KLHL32: variants seen among roughly 807,000 people sequenced by gnomAD.
KLHL32 encodes the protein kelch like family member 32, also known as kelch-like protein 32.
Under a neutral mutation model 64.8 loss-of-function variants are expected in KLHL32, and 35 were observed. That is an observed-to-expected ratio of 0.54 (90% CI 0.41 to 0.72). The LOEUF is 0.72. KLHL32 is among the 30% of genes least tolerant of loss of function. KLHL32 has a pLI of 0.00. For missense variants in KLHL32, 589 were observed against 768.5 expected, an observed-to-expected ratio of 0.77 and a Z score of 2.76; for synonymous variants, 259 against 281.0, an observed-to-expected ratio of 0.92 and a Z score of 0.78.
intron 7 of KLHL32, among the ~76,000 whole-genome samples, chr6:97,117,368 G>A (rs1431755585): frequency 6.6e-6 from 1 of 152,118 alleles, no homozygotes; most frequent in Non-Finnish European, 1.5e-5. Context: ...GATTATAGAA[G>A]GTGGATTTTA....
At chr6:97,131,574 T>A (rs1189076950) in intron 9 of KLHL32, among the ~76,000 whole-genome samples, 1 of 152,180 alleles carries the variant, frequency 6.6e-6, no homozygotes, top group Non-Finnish European at 1.5e-5. Flanking sequence ...TGTTTCTTTA[T>A]GGAGTGAATA....
intron 5 of KLHL32, among the ~76,000 whole-genome samples, chr6:97,075,455 C>T (rs1348394828): frequency 6.6e-6 from 1 of 152,102 alleles, no homozygotes; most frequent in Non-Finnish European, 1.5e-5. Context: ...ATGAATTGCT[C>T]ATTTTTTCTT....
At chr6:96,955,724 G>C (rs962364081) in intron 1 of KLHL32, among the ~76,000 whole-genome samples, 1 of 152,098 alleles carries the variant, frequency 6.6e-6, no homozygotes, top group African/African-American at 2.4e-5. Flanking sequence ...ATCATCTGAG[G>C]TCAGGAGTTC....
At chr6:97,025,001 GTCAA>G (rs1412282585) in intron 3 of KLHL32, 2 of 984,970 alleles carry the variant, frequency 2.0e-6, no homozygotes, top group African/African-American at 3.5e-5. Flanking sequence ...CAGGTATACG[GTCAA>G]CCTCAGCTTC....
chr6:97,017,687 T>G (rs1781410787), intron 3 of KLHL32, among the ~76,000 whole-genome samples: 2 of 152,148 alleles, frequency 1.3e-5, no homozygotes, highest in Non-Finnish European at 2.9e-5. Flanking sequence ...GGATATGGCT[T>G]GGAAATTCTT....
intron 7 of KLHL32, among the ~76,000 whole-genome samples, chr6:97,121,730 C>T (rs1296359991): frequency 6.6e-6 from 1 of 151,990 alleles, no homozygotes; most frequent in Non-Finnish European, 1.5e-5. Flanking sequence ...TTGTGTCTAA[C>T]TAGATGGGTC....
chr6:97,115,887 A>C (rs1448652611), intron 7 of KLHL32, among the ~76,000 whole-genome samples: 1 of 152,250 alleles, frequency 6.6e-6, no homozygotes, highest in Non-Finnish European at 1.5e-5. Flanking sequence ...TTTTAAGTAC[A>C]CCTGCAAAGG....
intron 3 of KLHL32, among the ~76,000 whole-genome samples, chr6:96,983,481 T>C (rs1776598087): frequency 6.6e-6 from 1 of 152,308 alleles, no homozygotes; most frequent in Admixed American, 6.5e-5. Flanking sequence ...ATACCTCTGG[T>C]AGAATTCAGC....
At chr6:96,899,644 C>T in the KLHL32 span, among the ~76,000 whole-genome samples, 1 of 152,132 alleles carries the variant, frequency 6.6e-6, no homozygotes, top group Non-Finnish European at 1.5e-5. Context: ...CCTCAAATTG[C>T]AAAACAGAAG....
chr6:97,080,827 G>A (rs778085978), intron 5 of KLHL32, among the ~76,000 whole-genome samples: 12 of 152,098 alleles, frequency 7.9e-5, no homozygotes, highest in Non-Finnish European at 1.8e-4. Flanking sequence ...GTGGTGACAA[G>A]CTCTAAAACA....
chr6:97,021,575 T>C (rs1418221834), intron 3 of KLHL32, among the ~76,000 whole-genome samples: 1 of 150,872 alleles, frequency 6.6e-6, no homozygotes, highest in Non-Finnish European at 1.5e-5. Flanking sequence ...GTCTACTGAT[T>C]AACATGTTAA....
At chr6:97,038,503 A>G (rs1455304581) in intron 3 of KLHL32, among the ~76,000 whole-genome samples, 4 of 152,132 alleles carry the variant, frequency 2.6e-5, no homozygotes, top group Admixed American at 6.5e-5. Flanking sequence ...TCAAAAAGAG[A>G]GGCAATAACA....
chr6:97,030,774 G>A (rs963878110), intron 3 of KLHL32, among the ~76,000 whole-genome samples: 12 of 152,008 alleles, frequency 7.9e-5, no homozygotes, highest in Non-Finnish European at 1.3e-4. Flanking sequence ...CTTTAGTTAC[G>A]ATTTTACATT....
chr6:97,077,102 T>C (rs1157546683), intron 5 of KLHL32, among the ~76,000 whole-genome samples: 1 of 151,406 alleles, frequency 6.6e-6, no homozygotes, highest in Admixed American at 6.6e-5. Flanking sequence ...GAGAGAAGAG[T>C]CAAACAAATG....
chr6:96,925,817 A>G (rs1420346978), intron 1 of KLHL32, among the ~76,000 whole-genome samples: 2 of 152,170 alleles, frequency 1.3e-5, no homozygotes, highest in African/African-American at 4.8e-5. Context: ...ACCTCTGCTC[A>G]TTTCTGAGAA....
chr6:97,074,676 T>A (rs574939585), intron 5 of KLHL32, among the ~76,000 whole-genome samples: 2 of 151,400 alleles, frequency 1.3e-5, no homozygotes, highest in East Asian at 3.9e-4. Flanking sequence ...AAGTCTGCAG[T>A]ACTGGGCTAA....
chr6:97,114,240 C>T lies in KLHL32; in HGVS notation c.1085C>T (p.Thr362Met), dbSNP rs762633625. 5.6e-6 allele frequency: 9 copies of T among 1,613,962 alleles called. No homozygotes were observed. The highest frequency in any genetic ancestry group is 1.7e-5 in the Admixed American group (1 of 59,992). ...GAAGTTGAGCATGCCAGTGGCCGGA[C>T]GTGTGCTGTGAGGACTGCCTGTCGC... ...GGEVEHASGR[T>M]CAVRTACRYD... Residue 362 changes from threonine (T) to methionine (M), a missense_variant, in exon 7 of 11, where the codon ACG becomes ATG. Coordinates refer to ENST00000369261, the MANE Select transcript of KLHL32 (RefSeq NM_052904.4).
chr6:96,998,105 C>T (rs762071372), intron 3 of KLHL32, among the ~76,000 whole-genome samples: 1 of 152,206 alleles, frequency 6.6e-6, no homozygotes, highest in Non-Finnish European at 1.5e-5. Flanking sequence ...TGCTCCTCAA[C>T]CTCCATTGAG....
At chr6:97,060,045 T>C (rs1465022507) in intron 4 of KLHL32, among the ~76,000 whole-genome samples, 1 of 152,228 alleles carries the variant, frequency 6.6e-6, no homozygotes, top group Admixed American at 6.5e-5. Flanking sequence ...TGTGCACACA[T>C]GGTATGTGTG....
Sources: gnomAD v4.1 joint callset for allele counts (sites outside exome capture counted in the v4.1 genomes callset) on GRCh38, gnomAD v4.1.1 for gene constraint, MANE v1.5 for transcripts, NCBI Gene and HGNC (gene_info 2026-07-23, HGNC 2026-07-21) for gene names.